PLEKHF2: variants seen among roughly 807,000 people sequenced by gnomAD.
PLEKHF2 encodes pleckstrin homology domain-containing family F member 2.
In PLEKHF2, 4 loss-of-function variants were observed where a neutral mutation model predicts 14.7. That is an observed-to-expected ratio of 0.27 (90% CI 0.13 to 0.62). The LOEUF is 0.62. PLEKHF2 is among the 20% of genes least tolerant of loss of function. PLEKHF2 has a pLI of 0.85. For synonymous variants in PLEKHF2, 90 were observed against 103.5 expected (o/e 0.87, Z 0.79); for missense variants, 201 against 307.7 (o/e 0.65, Z 2.60).
intron 1 of PLEKHF2, among the ~76,000 whole-genome samples, chr8:95,143,294 T>C (rs1810457525): frequency 6.6e-6 from 1 of 151,944 alleles, no homozygotes; most frequent in Non-Finnish European, 1.5e-5. Flanking sequence ...AGAGACAGGC[T>C]TTCACCATGT....
intron 1 of PLEKHF2, among the ~76,000 whole-genome samples, chr8:95,142,731 G>A (rs1271432828): frequency 6.6e-6 from 1 of 152,114 alleles, no homozygotes. Flanking sequence ...TTTGGAGAAA[G>A]AAATCATTTA....
At chr8:95,149,871 C>G (rs28704607) in intron 1 of PLEKHF2, among the ~76,000 whole-genome samples, 12,126 of 152,172 alleles carry the variant, frequency 0.08, 662 homozygotes, top group African/African-American at 0.14. Flanking sequence ...ATGGGAAGGA[C>G]TCAGTCCTTG....
At chr8:95,143,056 T>A (rs1810454782) in intron 1 of PLEKHF2, among the ~76,000 whole-genome samples, 2 of 152,054 alleles carry the variant, frequency 1.3e-5, no homozygotes, top group South Asian at 4.1e-4. Context: ...CATTTTTTTT[T>A]AGGTGCTGTT....
At chr8:95,139,124 C>T (rs952058432) in intron 1 of PLEKHF2, among the ~76,000 whole-genome samples, 2 of 152,100 alleles carry the variant, frequency 1.3e-5, no homozygotes, top group African/African-American at 4.8e-5. Flanking sequence ...TGGTCATTTT[C>T]ATTTTTTTAA....
chr8:95,152,174 C>G (rs1419918465), intron 1 of PLEKHF2, among the ~76,000 whole-genome samples: 1 of 151,974 alleles, frequency 6.6e-6, no homozygotes, highest in African/African-American at 2.4e-5. Flanking sequence ...TGAGCATTTC[C>G]CTTGTCACTG....
At chr8:95,151,921 T>C (rs1810569089) in intron 1 of PLEKHF2, among the ~76,000 whole-genome samples, 1 of 152,134 alleles carries the variant, frequency 6.6e-6, no homozygotes, top group Admixed American at 6.5e-5. Context: ...CAGATGTCTA[T>C]GATTATGCTT....
rs1464735461 is a variant in PLEKHF2 at position 95,155,946 on chromosome 8, G to A, written c.*1152G>A. 6.0e-6 allele frequency: 1 copy of A among 166,914 alleles called. No individual in the cohort carries two copies. The highest frequency in any genetic ancestry group is 2.4e-5 in the African/African-American group (1 of 41,440). 10.3% of individuals were successfully genotyped at this position (166,914 alleles called of 1,614,324 possible). On this transcript the variant is annotated 3_prime_UTR_variant, in exon 2 of 2. Transcript: ENST00000315367. ...AATCCCAAACAATATTTCTATTTTT[G>A]TAAAACAATTGTATGTATAATCTGT...
At position 95,149,825 on chromosome 8, in the gene PLEKHF2, A is replaced by G. The variant is rs1013035300; in HGVS notation, c.-14-4206A>G. ...ATTAATCAAATTGGGCCATGTTTAT[A>G]GCTCTCTTCTGCTTCCTCCCCTCAA... On this transcript the variant is annotated intron_variant, in intron 1 of 1. Coordinates refer to ENST00000315367, the MANE Select transcript of PLEKHF2 (RefSeq NM_024613.4). Among the ~76,000 whole-genome samples, 9 of 152,284 alleles carry G rather than the reference A, an allele frequency of 5.9e-5. 1 individual carries two copies. The highest frequency in any genetic ancestry group is 2.2e-4 in the African/African-American group (9 of 41,556).
intron 1 of PLEKHF2, among the ~76,000 whole-genome samples, chr8:95,144,015 T>G (rs954996305): frequency 7.2e-5 from 11 of 151,806 alleles, no homozygotes; most frequent in African/African-American, 2.7e-4. Context: ...ATGAGATTTT[T>G]TGTGTGTGTG....
chr8:95,139,809 ATT>A (rs112242584), intron 1 of PLEKHF2, among the ~76,000 whole-genome samples: 7 of 139,474 alleles, frequency 5.0e-5, no homozygotes, highest in African/African-American at 1.6e-4. Flanking sequence ...TTAGTCCTTG[ATT>A]TTTTTTTTTT....
intron 1 of PLEKHF2, among the ~76,000 whole-genome samples, chr8:95,152,363 TG>T (rs1810572688): frequency 6.6e-6 from 1 of 152,116 alleles, no homozygotes; most frequent in South Asian, 2.1e-4. Context: ...TTAATTAGAT[TG>T]GTGAATACAC....
chr8:95,138,353 T>TCCCCCCCCCCCCCCC (rs61519066), intron 1 of PLEKHF2, among the ~76,000 whole-genome samples: 1 of 71,866 alleles, frequency 1.4e-5, no homozygotes, highest in Non-Finnish European at 2.6e-5. Context: ...TTCTTCATCT[T>TCCCCCCCCCCCCCCC]CCCCCCCCCC....
intron 1 of PLEKHF2, among the ~76,000 whole-genome samples, chr8:95,140,510 G>A (rs1810428682): frequency 6.6e-6 from 1 of 152,202 alleles, no homozygotes; most frequent in African/African-American, 2.4e-5. Flanking sequence ...TCTGATGGTT[G>A]CTTTCTTTTG....
At chr8:95,137,878 C>G (rs894329431) in intron 1 of PLEKHF2, among the ~76,000 whole-genome samples, 1 of 152,236 alleles carries the variant, frequency 6.6e-6, no homozygotes, top group African/African-American at 2.4e-5. Flanking sequence ...GATGGCGATG[C>G]AAGGGTCTGT....
intron 1 of PLEKHF2, among the ~76,000 whole-genome samples, chr8:95,136,748 T>G (rs1810380479): frequency 6.6e-6 from 1 of 152,248 alleles, no homozygotes; most frequent in African/African-American, 2.4e-5. Context: ...GTTGTTTATC[T>G]TTGATGAACC....
In PLEKHF2 at chr8:95,133,837, C is replaced by T. The variant is rs1484912888; in HGVS notation, c.-208C>T. Reference sequence around the variant, plus strand: ...GGTTCGACTGGAGGGGCGGGGGAGTCACCTGCGAGCGGCTGCGCTGGCGGC... The same window carrying T: ...GGTTCGACTGGAGGGGCGGGGGAGTTACCTGCGAGCGGCTGCGCTGGCGGC... On this transcript the variant is annotated 5_prime_UTR_variant, in exon 1 of 2. Coordinates refer to ENST00000315367, the MANE Select transcript of PLEKHF2 (RefSeq NM_024613.4). 1 of 152,482 alleles carries T rather than the reference C, an allele frequency of 6.6e-6. No individual in the cohort carries two copies. The highest frequency in any genetic ancestry group is 1.5e-5 in the Non-Finnish European group (1 of 68,348). 9.4% of individuals were successfully genotyped at this position (152,482 alleles called of 1,614,324 possible).
intron 1 of PLEKHF2, among the ~76,000 whole-genome samples, chr8:95,141,848 CTT>C (rs2132106350): frequency 6.6e-6 from 1 of 152,052 alleles, no homozygotes; most frequent in South Asian, 2.1e-4. Context: ...CCCAGTGTGA[CTT>C]TTTATGTGCG....
intron 1 of PLEKHF2, among the ~76,000 whole-genome samples, chr8:95,150,006 T>G (rs1473648751): frequency 6.6e-6 from 1 of 152,124 alleles, no homozygotes; most frequent in Non-Finnish European, 1.5e-5. Context: ...GAGGCCTTGC[T>G]TAGGCCCTGA....
intron 1 of PLEKHF2, among the ~76,000 whole-genome samples, chr8:95,138,911 A>G (rs962255502): frequency 1.3e-5 from 2 of 152,192 alleles, no homozygotes; most frequent in Non-Finnish European, 2.9e-5. Flanking sequence ...TAATTTTTGT[A>G]TGTATTATTG....
Sources: allele counts gnomAD v4.1 joint callset (sites outside exome capture counted in the v4.1 genomes callset), GRCh38; gene constraint gnomAD v4.1.1; transcripts MANE v1.5; gene names NCBI Gene and HGNC (gene_info 2026-07-23, HGNC 2026-07-21).